NINJ2: variants seen among roughly 807,000 people sequenced by gnomAD.
NINJ2 encodes the protein ninjurin 2, also known as ninjurin-2.
Under a neutral mutation model 11.7 loss-of-function variants are expected in NINJ2, and 12 were observed. That is an observed-to-expected ratio of 1.02 (90% CI 0.66 to 1.66). NINJ2 has a LOEUF of 1.66. NINJ2 is among the 40% of genes most tolerant of loss of function. The pLI is 0.00. For synonymous variants in NINJ2, 93 were observed against 76.8 expected (o/e 1.21, Z -1.10); for missense variants, 187 against 181.8 (o/e 1.03, Z -0.16).
chr12:625,109 A>AG (rs1400030285), intron 1 of NINJ2, among the ~76,000 whole-genome samples: 9 of 148,696 alleles, frequency 6.1e-5, no homozygotes, highest in Non-Finnish European at 1.3e-4. Context: ...TCTCAAAAAA[A>AG]AAAAAAAAAA....
At chr12:616,495 T>G (rs142313611) in intron 1 of NINJ2, among the ~76,000 whole-genome samples, 99 of 152,348 alleles carry the variant, frequency 6.5e-4, no homozygotes, top group Non-Finnish European at 1.2e-3. Context: ...AGATGGAATC[T>G]AGACGATCAT....
chr12:600,078 C>T (rs529063588), intron 1 of NINJ2, among the ~76,000 whole-genome samples: 11 of 152,182 alleles, frequency 7.2e-5, no homozygotes, highest in African/African-American at 1.9e-4. Flanking sequence ...TCCTTCCGAA[C>T]GCCTGAGCCA....
chr12:607,364 GA>G (rs1457970212), intron 1 of NINJ2, among the ~76,000 whole-genome samples: 11 of 152,038 alleles, frequency 7.2e-5, no homozygotes, highest in Non-Finnish European at 1.6e-4. Context: ...TGATGATGAT[GA>G]TGATGATGAT....
chr12:610,066 C>G (rs532768392), intron 1 of NINJ2, among the ~76,000 whole-genome samples: 3 of 152,156 alleles, frequency 2.0e-5, no homozygotes, highest in South Asian at 4.1e-4. Context: ...TTTCCACTCC[C>G]AGCTGTCCTA....
chr12:570,487 CAG>C (rs1414660721), intron 1 of NINJ2, among the ~76,000 whole-genome samples: 2 of 152,198 alleles, frequency 1.3e-5, no homozygotes, highest in East Asian at 1.9e-4. Flanking sequence ...GTCAGGGTGA[CAG>C]AGGAGTGGGG....
chr12:642,031 C>T (rs1033688518), intron 1 of NINJ2, among the ~76,000 whole-genome samples: 1 of 152,090 alleles, frequency 6.6e-6, no homozygotes, highest in East Asian at 1.9e-4. Flanking sequence ...GCGTGGAAGG[C>T]GGGAAAGGGC....
intron 1 of NINJ2, among the ~76,000 whole-genome samples, chr12:599,256 C>T (rs981317355): frequency 6.6e-5 from 10 of 151,650 alleles, no homozygotes; most frequent in African/African-American, 1.9e-4. Context: ...TGGTGGCAGG[C>T]GCCTGTAATC....
intron 1 of NINJ2, chr12:642,830 G>C (rs1948438365): frequency 6.6e-6 from 1 of 151,648 alleles, no homozygotes; most frequent in Non-Finnish European, 1.5e-5. Flanking sequence ...CCGCAGACCG[G>C]ATGCGGGAAG....
chr12:632,244 G>A (rs562607532), intron 1 of NINJ2: 67 of 152,316 alleles, frequency 4.4e-4, no homozygotes, highest in African/African-American at 1.6e-3. Context: ...TCTGAGGCAC[G>A]CTGGTAAGTA....
intron 1 of NINJ2, among the ~76,000 whole-genome samples, chr12:579,903 G>A (rs1376500648): frequency 2.0e-5 from 3 of 152,182 alleles, no homozygotes; most frequent in East Asian, 1.9e-4. Flanking sequence ...TCTCAGTCAC[G>A]TTTCGGTTTA....
In NINJ2 at chr12:648,044, CA is replaced by C. The variant is rs1937718769; in HGVS notation, c.33+15283del. Among the ~76,000 whole-genome samples, 2 of 152,188 alleles carry C rather than the reference CA, an allele frequency of 1.3e-5. 1 individual carries two copies. Among genetic ancestry groups the C allele is most frequent in the Admixed American group, 1.3e-4 (2 of 15,276 alleles). Reference sequence around the variant, plus strand: ...GTGTTTGAAAGACCCTTTCACGGTGCATGGCAAATTGGATACATCAATTAGT... The same window carrying C: ...GTGTTTGAAAGACCCTTTCACGGTGCTGGCAAATTGGATACATCAATTAGT... On this transcript the variant is annotated intron_variant, in intron 1 of 3. Coordinates refer to ENST00000305108, the MANE Select transcript of NINJ2 (RefSeq NM_016533.6).
At chr12:656,508 T>TG (rs893989262) in intron 1 of NINJ2, among the ~76,000 whole-genome samples, 57 of 151,154 alleles carry the variant, frequency 3.8e-4, no homozygotes, top group Non-Finnish European at 6.5e-4. Flanking sequence ...CCCAGCACTT[T>TG]GGGAGGTAGG....
At chr12:662,500 C>CT (rs775303229) in intron 1 of NINJ2, among the ~76,000 whole-genome samples, 28 of 152,146 alleles carry the variant, frequency 1.8e-4, no homozygotes, top group Non-Finnish European at 3.1e-4. Flanking sequence ...TGGGTGGCTG[C>CT]TTAAGATTTT....
At position 634,345 on chromosome 12, in the gene NINJ2, C is replaced by T. The variant is rs538059760; in HGVS notation, c.33+28983G>A. Among the ~76,000 whole-genome samples the T allele has an allele frequency of 4.8e-5, 7 of 146,230 alleles. No homozygotes were observed. In the East Asian group the frequency reaches 1.5e-3, roughly 31 times the overall value. ...CACGATCTCGGCTCACTGCAACCTCCGCCTCCCAGGTTCACACGATTCTCC... is the reference window on the plus strand; with the variant it reads ...CACGATCTCGGCTCACTGCAACCTCTGCCTCCCAGGTTCACACGATTCTCC... On this transcript the variant is annotated intron_variant, in intron 1 of 3. Transcript: ENST00000305108.
chr12:578,282 AGCTCC>A (rs1390098298), intron 1 of NINJ2, among the ~76,000 whole-genome samples: 1 of 152,144 alleles, frequency 6.6e-6, no homozygotes, highest in Non-Finnish European at 1.5e-5. Context: ...ATCTTGCCAA[AGCTCC>A]TGGCCGAATA....
intron 1 of NINJ2, among the ~76,000 whole-genome samples, chr12:575,945 G>A (rs939952385): frequency 1.3e-5 from 2 of 152,168 alleles, no homozygotes; most frequent in African/African-American, 4.8e-5. Context: ...GGAAGCTGCA[G>A]CTGGTCTTCA....
chr12:660,180 T>C (rs1937939104), intron 1 of NINJ2, among the ~76,000 whole-genome samples: 1 of 151,184 alleles, frequency 6.6e-6, no homozygotes, highest in Non-Finnish European at 1.5e-5. Flanking sequence ...CCCAGCTATT[T>C]AGGAGGCTGA....
At chr12:571,542 G>C (rs940562162) in intron 1 of NINJ2, among the ~76,000 whole-genome samples, 1 of 152,198 alleles carries the variant, frequency 6.6e-6, no homozygotes, top group Admixed American at 6.5e-5. Context: ...CTCCTCTCTC[G>C]TTCCAGCTCA....
chr12:604,119 T>C (rs7135341), intron 1 of NINJ2, among the ~76,000 whole-genome samples: 56,619 of 152,120 alleles, frequency 0.37, 10,799 homozygotes, highest in Middle Eastern at 0.55. Flanking sequence ...TCATTTGAGC[T>C]ATTCTGGGTT....
Sources: gnomAD v4.1 joint callset for allele counts (sites outside exome capture counted in the v4.1 genomes callset) on GRCh38, gnomAD v4.1.1 for gene constraint, MANE v1.5 for transcripts, NCBI Gene and HGNC (gene_info 2026-07-23, HGNC 2026-07-21) for gene names.